The following SLC38A12 variants were observed in gnomAD, a reference collection of about 807,000 sequenced individuals.
The protein encoded by SLC38A12 is solute carrier family 38 member 12, also known as putative sodium-coupled neutral amino acid transporter 12.
the SLC38A12 span, chr17:74,791,012 A>G: frequency 6.2e-7 from 1 of 1,613,064 alleles, no homozygotes; most frequent in African/African-American, 1.3e-5. Flanking sequence ...AATGGGACAA[A>G]TGGCCTCCAT....
chr17:74,833,528 T>C, the SLC38A12 span, among the ~76,000 whole-genome samples: 1 of 152,262 alleles, frequency 6.6e-6, no homozygotes, highest in African/African-American at 2.4e-5. Flanking sequence ...CAGTCAGGGC[T>C]GTAAGGAGAG....
At chr17:74,785,142 T>C in the SLC38A12 span, among the ~76,000 whole-genome samples, 2 of 152,180 alleles carry the variant, frequency 1.3e-5, no homozygotes, top group Admixed American at 6.5e-5. Context: ...CCGCCTATGA[T>C]GCTCTGTCCC....
chr17:74,801,921 C>T, the SLC38A12 span, among the ~76,000 whole-genome samples: 3 of 152,104 alleles, frequency 2.0e-5, no homozygotes, highest in East Asian at 3.9e-4. Flanking sequence ...GCCTGTCACT[C>T]ACTCCCACAC....
At chr17:74,823,370 G>A in the SLC38A12 span, among the ~76,000 whole-genome samples, 3 of 152,238 alleles carry the variant, frequency 2.0e-5, no homozygotes, top group East Asian at 5.8e-4. Context: ...GAGACTGCAG[G>A]CCCTGGAGCT....
the SLC38A12 span, chr17:74,837,368 C>T: frequency 1.0e-6 from 1 of 985,560 alleles, no homozygotes; most frequent in Non-Finnish European, 1.2e-6. Flanking sequence ...GATGGAGCAT[C>T]CCTTCTACAG....
the SLC38A12 span, among the ~76,000 whole-genome samples, chr17:74,810,775 G>A: frequency 1.8e-3 from 278 of 152,302 alleles, 2 homozygotes; most frequent in African/African-American, 6.3e-3. Context: ...GCAATCATCC[G>A]CAGAATTCGG....
chr17:74,829,650 A>G, the SLC38A12 span, among the ~76,000 whole-genome samples: 1 of 152,182 alleles, frequency 6.6e-6, no homozygotes, highest in Non-Finnish European at 1.5e-5. This position sits in a 1 kb window ranked among gnomAD's most constrained non-coding sequence, Gnocchi z 4.1. Context: ...CAGGAAAGCC[A>G]CCAAGACGGA....
chr17:74,821,206 G>A, the SLC38A12 span, among the ~76,000 whole-genome samples: 1 of 152,226 alleles, frequency 6.6e-6, no homozygotes, highest in East Asian at 1.9e-4. Context: ...GTTTGTCCTT[G>A]CAAGGAGATG....
chr17:74,783,533 C>T, the SLC38A12 span, among the ~76,000 whole-genome samples: 2 of 151,984 alleles, frequency 1.3e-5, no homozygotes, highest in Non-Finnish European at 2.9e-5. Context: ...GGTCCTGTGT[C>T]AGGTATTCAG....
the SLC38A12 span, among the ~76,000 whole-genome samples, chr17:74,792,169 G>A: frequency 1.3e-5 from 2 of 150,962 alleles, no homozygotes; most frequent in Non-Finnish European, 2.9e-5. Context: ...AGAATTTAAT[G>A]GCCAGGCATG....
chr17:74,783,996 G>A, the SLC38A12 span, among the ~76,000 whole-genome samples: 1 of 151,010 alleles, frequency 6.6e-6, no homozygotes, highest in South Asian at 2.1e-4. Context: ...CAAAGTGCCA[G>A]GATTACAGGC....
the SLC38A12 span, among the ~76,000 whole-genome samples, chr17:74,793,310 T>C: frequency 1.6e-4 from 25 of 152,136 alleles, no homozygotes; most frequent in African/African-American, 3.4e-4. Context: ...CTCCTACTTA[T>C]GACAGTCAAA....
the SLC38A12 span, among the ~76,000 whole-genome samples, chr17:74,813,520 C>A: frequency 1.3e-5 from 2 of 151,442 alleles, no homozygotes; most frequent in Non-Finnish European, 2.9e-5. Context: ...GACAGGGTCT[C>A]GCTCTGTCAC....
At chr17:74,839,247 G>A in the SLC38A12 span, 44 of 1,375,150 alleles carry the variant, frequency 3.2e-5, no homozygotes, top group Admixed American at 9.4e-4. Context: ...ACCATGACGG[G>A]CCCCTAGCCA....
the SLC38A12 span, among the ~76,000 whole-genome samples, chr17:74,833,687 ACCCAGGG>A: frequency 6.6e-6 from 1 of 152,104 alleles, no homozygotes; most frequent in Non-Finnish European, 1.5e-5. Flanking sequence ...TGCTCACCAG[ACCCAGGG>A]CCCAGGGCCG....
the SLC38A12 span, among the ~76,000 whole-genome samples, chr17:74,801,074 T>G: frequency 6.6e-6 from 1 of 152,262 alleles, no homozygotes; most frequent in African/African-American, 2.4e-5. Flanking sequence ...GGAAGGGTGT[T>G]GCTTCCAGGG....
chr17:74,825,971 C>T, the SLC38A12 span, among the ~76,000 whole-genome samples: 1 of 152,204 alleles, frequency 6.6e-6, no homozygotes, highest in African/African-American at 2.4e-5. Context: ...TCACTCTCTC[C>T]TTCCCGTCTC....
chr17:74,786,110 A>T, the SLC38A12 span, among the ~76,000 whole-genome samples: 1 of 152,118 alleles, frequency 6.6e-6, no homozygotes, highest in Non-Finnish European at 1.5e-5. Flanking sequence ...CCTGCTGTGT[A>T]CCTCCCCAGG....
the SLC38A12 span, among the ~76,000 whole-genome samples, chr17:74,800,102 C>T: frequency 6.6e-6 from 1 of 152,248 alleles, no homozygotes; most frequent in Non-Finnish European, 1.5e-5. Flanking sequence ...AGCTCTTTGG[C>T]CTCTCAGCTC....
Sources: gnomAD v4.1 joint callset for allele counts (sites outside exome capture counted in the v4.1 genomes callset) on GRCh38, gnomAD v4.1.1 for gene constraint, Gnocchi (gnomAD v3.1) non-coding constraint, MANE v1.5 for transcripts, NCBI Gene and HGNC (gene_info 2026-07-23, HGNC 2026-07-21) for gene names.